Variants in IQGAP1 observed in about 807,000 individuals in gnomAD.
IQGAP1 encodes the protein IQ motif containing GTPase activating protein 1.
IQGAP1 carries 66 observed loss-of-function variants against 215.6 expected under a neutral mutation model. The observed-to-expected ratio is 0.31, with a 90% CI of 0.25 to 0.38. IQGAP1 has a LOEUF of 0.38. Among genes scored for constraint, IQGAP1 ranks in the 10% least tolerant of loss-of-function variants. The probability of loss-of-function intolerance (pLI) is 1.00; values close to 1 mark genes in which losing one functional copy is unlikely to be tolerated. For missense variants in IQGAP1, 1,712 were observed against 1,997.1 expected, an observed-to-expected ratio of 0.86 and a Z score of 2.72; for synonymous variants, 772 against 728.7, an observed-to-expected ratio of 1.06 and a Z score of -0.96.
intron 9 of IQGAP1, among the ~76,000 whole-genome samples, chr15:90,447,022 A>G (rs117121928): frequency 0.012 from 1,884 of 152,338 alleles, 23 homozygotes; most frequent in Non-Finnish European, 0.018. Context: ...ATATACCTAG[A>G]GAAAGTCTAG....
Position 90,477,708 on chromosome 15 carries a change from A to T in IQGAP1, c.3148A>T (p.Thr1050Ser). The change falls in exon 26 of 38, where the codon ACG becomes TCG. Residue 1050 changes from threonine (T) to serine (S), a missense_variant. Physicochemically the swap from Thr to Ser is moderately conservative, Grantham distance 58. This residue lies in a region of IQGAP1 where 691 missense variants were observed against 923.0 expected (regional missense o/e 0.75). Transcript: ENST00000268182. ...TCAAGAGATTGTGACAGGAAATCCTACGGTTATTAAAATGGTTGTAAGTTT... is the reference window on the plus strand; with the variant it reads ...TCAAGAGATTGTGACAGGAAATCCTTCGGTTATTAAAATGGTTGTAAGTTT... Reference protein sequence around the residue: ...QIQEIVTGNPTVIKMVVSFNR... With the variant: ...QIQEIVTGNPSVIKMVVSFNR... 1 of 1,613,968 alleles carries T rather than the reference A, an allele frequency of 6.2e-7. No individual in the cohort carries two copies. Among genetic ancestry groups the T allele is most frequent in the South Asian group, 1.1e-5 (1 of 91,078 alleles).
intron 34 of IQGAP1, chr15:90,491,807 CTTCCAGATCTT>C (rs1314311888): frequency 4.8e-6 from 2 of 414,380 alleles, no homozygotes; most frequent in Admixed American, 7.8e-5. Flanking sequence ...TTAAAGAATT[CTTCCAGATCTT>C]TTTCATGATT....
In IQGAP1 at chr15:90,477,361, T is replaced by A. The variant is rs551307962; in HGVS notation, c.3104+131T>A. ...GAAAAATACTTACTCTAAAGAAGCATCTAATTTTTAAATAACTGATATAAA... is the reference window on the plus strand; with the variant it reads ...GAAAAATACTTACTCTAAAGAAGCAACTAATTTTTAAATAACTGATATAAA... On this transcript the variant is annotated intron_variant, in intron 25 of 37. Transcript: ENST00000268182. 385 of 801,178 alleles carry A rather than the reference T, an allele frequency of 4.8e-4. 3 individuals are homozygous for A. The South Asian group carries it at 6.2e-3, about 13-fold the overall frequency. 49.6% of individuals were successfully genotyped at this position (801,178 alleles called of 1,614,324 possible).
At chr15:90,388,524 C>T (rs1033499422) in intron 1 of IQGAP1, 128 bp downstream of exon 1, 7 of 767,764 alleles carry the variant, frequency 9.1e-6, no homozygotes, top group Non-Finnish European at 1.3e-5. Context: ...CCGGAAGAGC[C>T]GTCCCGGTGG....
intron 5 of IQGAP1, among the ~76,000 whole-genome samples, chr15:90,436,929 A>T (rs1161445409): frequency 3.3e-5 from 5 of 152,364 alleles, no homozygotes; most frequent in South Asian, 2.1e-4. Context: ...ACTGAAAGAC[A>T]TTAAAAGCTA....
rs572443790 is a variant in IQGAP1, at chr15:90,399,886, G to A, written c.155+9013G>A. Among the ~76,000 whole-genome samples, 111 of 152,082 alleles carry A rather than the reference G, an allele frequency of 7.3e-4. 1 individual carries two copies. Among genetic ancestry groups the A allele is most frequent in the Non-Finnish European group, 1.3e-3 (89 of 67,988 alleles). On this transcript the variant is annotated intron_variant, in intron 2 of 37. Coordinates refer to ENST00000268182, the MANE Select transcript of IQGAP1 (RefSeq NM_003870.4). Reference sequence around the variant, plus strand: ...ATGTATATATATATTTCTAGTTCTGGACTTTTAAATTATGGTGAACCATAT... The same window carrying A: ...ATGTATATATATATTTCTAGTTCTGAACTTTTAAATTATGGTGAACCATAT...
chr15:90,419,061 C>T (rs1267959410), intron 2 of IQGAP1, among the ~76,000 whole-genome samples: 1 of 150,646 alleles, frequency 6.6e-6, no homozygotes, highest in Non-Finnish European at 1.5e-5. Context: ...TAGGAGGATC[C>T]AGAGGATCGC....
rs750536112 is a variant in IQGAP1 at position 90,482,099 on chromosome 15, C to T, written c.3469C>T (p.Pro1157Ser). The change falls in exon 27 of 38, where the codon CCT (proline) becomes TCT (serine). Residue 1157 changes from proline (P) to serine (S), a missense_variant and splice_region_variant. Physicochemically the swap from Pro to Ser is moderately conservative, Grantham distance 74 (BLOSUM62 -1). Around this residue, in one of 2 missense-constraint regions of IQGAP1, gnomAD observed 691 missense variants for 923.0 expected, o/e 0.75. Coordinates refer to ENST00000268182, the MANE Select transcript of IQGAP1 (RefSeq NM_003870.4). ...SAIVSSVDKI[P>S]YGMRFIAKVL... ...CATTGTCAGCTCTGTGGACAAAATC[C>T]CGTGAGTGCCATCAGTTGTCATGAC... 1.5e-5 allele frequency: 25 copies of T among 1,614,104 alleles called. No individual in the cohort carries two copies. The highest frequency in any genetic ancestry group is 1.6e-4 in the Middle Eastern group (1 of 6,084).
chr15:90,427,101 AC>A (rs999423812), intron 3 of IQGAP1, among the ~76,000 whole-genome samples: 19 of 151,702 alleles, frequency 1.3e-4, no homozygotes, highest in African/African-American at 4.6e-4. Flanking sequence ...ACCCTGTCTT[AC>A]AAAAAAAAAA....
intron 7 of IQGAP1, among the ~76,000 whole-genome samples, chr15:90,440,935 G>A (rs1349440923): frequency 2.6e-5 from 4 of 151,938 alleles, no homozygotes; most frequent in South Asian, 2.1e-4. Flanking sequence ...GTGAAACCCC[G>A]TCTCTACTAA....
At chr15:90,486,362 C>A in intron 31 of IQGAP1, 1 of 351,226 alleles carries the variant, frequency 2.8e-6, no homozygotes, top group Non-Finnish European at 5.2e-6. Context: ...TCATTTTAAA[C>A]GCAGATACAT....
chr15:90,388,258 C>G lies in IQGAP1; in HGVS notation c.-84C>G. The G allele has an allele frequency of 2.0e-6, 3 of 1,485,162 alleles. No individual in the cohort carries two copies. The highest frequency in any genetic ancestry group is 2.8e-6 in the Non-Finnish European group (3 of 1,089,540). The allele number at this position is 1,485,162 out of a possible 1,614,324, so 92.0% of individuals were successfully genotyped here. A position where few individuals can be genotyped will look rare whatever the true frequency, so the allele number is the denominator to read the frequency against. ...GGCCTCGGGGACCCCGGCAAGCCCG[C>G]GCACTTGGCAGGAGCTGTAGCTACC... On this transcript the variant is annotated 5_prime_UTR_variant, in exon 1 of 38. Transcript: ENST00000268182.
At position 90,473,659 on chromosome 15, in the gene IQGAP1, A is replaced by G. The variant is rs185609293; in HGVS notation, c.2350-56A>G. 1.3e-5 allele frequency: 17 copies of G among 1,286,036 alleles called. No homozygotes were observed. The East Asian group carries it at 3.7e-4, about 28-fold the overall frequency. 79.7% of individuals were successfully genotyped at this position (1,286,036 alleles called of 1,614,324 possible). A position where few individuals can be genotyped will look rare whatever the true frequency, so the allele number is the denominator to read the frequency against. ...TGTATCAAGATGAAAGTTTTTTTTT[A>G]ACTTCCATTGATGCTTGGGAAGTAA... On this transcript the variant is annotated intron_variant, in intron 19 of 37. Coordinates refer to ENST00000268182, the MANE Select transcript of IQGAP1 (RefSeq NM_003870.4).
intron 2 of IQGAP1, among the ~76,000 whole-genome samples, chr15:90,419,154 A>G (rs955142159): frequency 2.6e-5 from 4 of 152,082 alleles, no homozygotes; most frequent in Non-Finnish European, 5.9e-5. Flanking sequence ...AAAAAAAAAA[A>G]AAGCCAGAGT....
At chr15:90,464,500 G>A (rs1307032146) in intron 15 of IQGAP1, among the ~76,000 whole-genome samples, 1 of 151,986 alleles carries the variant, frequency 6.6e-6, no homozygotes, top group Admixed American at 6.6e-5. Flanking sequence ...TGACTACCTG[G>A]GGCTAATCCA....
In IQGAP1 at chr15:90,449,274, T is replaced by C. The variant is rs1965568174; in HGVS notation, c.1078-285T>C. Among the ~76,000 whole-genome samples, 4 of 152,310 alleles carry C rather than the reference T, an allele frequency of 2.6e-5. No individual in the cohort carries two copies. The South Asian group carries it at 8.3e-4, about 32-fold the overall frequency. ...CGTACGTTGGTCAAAGTAAGTAGCATTAACGTGCTTAAGATTCTACAAACA... is the reference window on the plus strand; with the variant it reads ...CGTACGTTGGTCAAAGTAAGTAGCACTAACGTGCTTAAGATTCTACAAACA... On this transcript the variant is annotated intron_variant, in intron 10 of 37. Transcript: ENST00000268182.
At chr15:90,410,560 A>C (rs975723934) in intron 2 of IQGAP1, among the ~76,000 whole-genome samples, 4 of 152,130 alleles carry the variant, frequency 2.6e-5, no homozygotes, top group African/African-American at 9.7e-5. Context: ...GCTGGAAACT[A>C]TCATTCTCAG....
At chr15:90,431,208 C>CT (rs1346514749) in intron 4 of IQGAP1, 2 of 151,792 alleles carry the variant, frequency 1.3e-5, no homozygotes, top group Non-Finnish European at 2.9e-5. Flanking sequence ...AGCTTTTCTC[C>CT]TCTTTTTTTC....
chr15:90,482,617 T>A, intron 28 of IQGAP1: 1 of 529,178 alleles, frequency 1.9e-6, no homozygotes, highest in Non-Finnish European at 2.7e-6. Flanking sequence ...GCTAAGGCTG[T>A]TGCTGATAAC....
Sources: allele counts gnomAD v4.1 joint callset (sites outside exome capture counted in the v4.1 genomes callset), GRCh38; gene constraint gnomAD v4.1.1; regional missense constraint gnomAD v4.1.1; transcripts MANE v1.5; gene names NCBI Gene and HGNC (gene_info 2026-07-23, HGNC 2026-07-21).